Variants in KAZN observed in about 807,000 individuals in gnomAD.
KAZN encodes the protein kazrin.
KAZN carries 40 observed loss-of-function variants against 87.4 expected under a neutral mutation model. That is an observed-to-expected ratio of 0.46 (90% CI 0.36 to 0.60). KAZN has a LOEUF of 0.60. KAZN is among the 20% of genes least tolerant of loss of function. KAZN has a pLI of 0.00. For missense variants in KAZN, 898 were observed against 1,073.9 expected (o/e 0.84, Z 2.29); for synonymous variants, 466 against 458.3 (o/e 1.02, Z -0.22).
intron 2 of KAZN, among the ~76,000 whole-genome samples, chr1:14,964,767 A>C (rs1352080025): frequency 1.3e-5 from 2 of 152,184 alleles, no homozygotes; most frequent in Non-Finnish European, 2.9e-5. Flanking sequence ...TCTCCAACTA[A>C]CTGCCCCACC....
chr1:14,709,476 C>T (rs1642379348), intron 1 of KAZN, among the ~76,000 whole-genome samples: 2 of 152,122 alleles, frequency 1.3e-5, no homozygotes, highest in South Asian at 4.1e-4. Flanking sequence ...CTCAGCCTGC[C>T]AGTGGCCCAG....
At chr1:14,702,326 CTGTGTGTGTGTGTGTG>C (rs3222186) in intron 1 of KAZN, among the ~76,000 whole-genome samples, 3 of 133,282 alleles carry the variant, frequency 2.3e-5, no homozygotes, top group Admixed American at 7.6e-5. Context: ...TTTTGCAAAA[CTGTGTGTGTGTGTGTG>C]TGTGTGTGTG....
chr1:15,029,587 G>C (rs1379906636), intron 2 of KAZN, among the ~76,000 whole-genome samples: 1 of 152,148 alleles, frequency 6.6e-6, no homozygotes, highest in African/African-American at 2.4e-5. Context: ...AGCCACAAGA[G>C]GCTGCACTGC....
chr1:14,478,153 A>G lies in KAZN; in HGVS notation c.250-120830A>G, dbSNP rs527307941. Among the ~76,000 whole-genome samples, 14 of 152,188 alleles carry G rather than the reference A, an allele frequency of 9.2e-5. No individual in the cohort carries two copies. The South Asian group carries it at 2.9e-3, about 32-fold the overall frequency. On this transcript the variant is annotated intron_variant, in intron 2 of 16. Coordinates refer to the KAZN transcript ENST00000636203. ...GCTGCTTTCTAGAGAATTCAGGACA[A>G]GAAAAATCCCTAGGACTGAGATGGG...
intron 2 of KAZN, among the ~76,000 whole-genome samples, chr1:14,287,822 TA>T (rs1299712469): frequency 1.9e-4 from 29 of 152,352 alleles, no homozygotes; most frequent in African/African-American, 7.0e-4. Flanking sequence ...GGGTTTGTCA[TA>T]AATAGTTCTT....
At chr1:14,096,177 C>T (rs1644122634) in intron 1 of KAZN, among the ~76,000 whole-genome samples, 1 of 152,128 alleles carries the variant, frequency 6.6e-6, no homozygotes, top group South Asian at 2.1e-4. Flanking sequence ...ATTATATATT[C>T]ACATATTATT....
At chr1:15,038,735 G>A (rs141976395) in intron 3 of KAZN, among the ~76,000 whole-genome samples, 56 of 151,908 alleles carry the variant, frequency 3.7e-4, no homozygotes, top group Middle Eastern at 3.5e-3. Flanking sequence ...GACCGTGACA[G>A]TACCAATAGC....
chr1:14,977,520 T>C (rs28619920), intron 2 of KAZN, among the ~76,000 whole-genome samples: 1 of 152,182 alleles, frequency 6.6e-6, no homozygotes, highest in African/African-American at 2.4e-5. Context: ...GATCCACCTG[T>C]GGAATGCACC....
chr1:14,134,508 A>G (rs955674331), intron 1 of KAZN, among the ~76,000 whole-genome samples: 1 of 152,188 alleles, frequency 6.6e-6, no homozygotes, highest in Non-Finnish European at 1.5e-5. Context: ...TGACCTGCCC[A>G]AACTCATGCG....
At chr1:14,897,311 G>A (rs540271624) in intron 1 of KAZN, among the ~76,000 whole-genome samples, 1 of 152,288 alleles carries the variant, frequency 6.6e-6, no homozygotes, top group East Asian at 1.9e-4. Flanking sequence ...GTCACCAAGA[G>A]AATGACACAT....
chr1:14,744,282 T>G (rs1426486522), intron 1 of KAZN, among the ~76,000 whole-genome samples: 2 of 152,224 alleles, frequency 1.3e-5, no homozygotes, highest in Non-Finnish European at 2.9e-5. Context: ...TAGTCTTGAC[T>G]GCAACTCTGT....
intron 2 of KAZN, among the ~76,000 whole-genome samples, chr1:14,537,995 G>A (rs558486811): frequency 1.6e-4 from 25 of 152,290 alleles, no homozygotes; most frequent in African/African-American, 5.1e-4. Context: ...AGGCATCTTT[G>A]GGTGGGGACA....
chr1:13,957,606 G>A (rs1641594258), intron 1 of KAZN, among the ~76,000 whole-genome samples: 1 of 152,148 alleles, frequency 6.6e-6, no homozygotes, highest in Non-Finnish European at 1.5e-5. Flanking sequence ...AGGGCCTCAG[G>A]CTGCTTCTAC....
intron 1 of KAZN, among the ~76,000 whole-genome samples, chr1:14,015,018 T>C (rs143728091): frequency 2.7e-4 from 41 of 152,322 alleles, no homozygotes; most frequent in Middle Eastern, 3.4e-3. Flanking sequence ...TTATTGCCTC[T>C]AGTCTTGCAA....
intron 2 of KAZN, among the ~76,000 whole-genome samples, chr1:14,192,466 G>T (rs1340176863): frequency 6.6e-6 from 1 of 152,106 alleles, no homozygotes; most frequent in Non-Finnish European, 1.5e-5. Context: ...TGAATTCAAA[G>T]ACCTGTATAA....
At position 14,824,866 on chromosome 1, in the gene KAZN, T is replaced by C. The variant is rs116079580; in HGVS notation, c.227-135818T>C. On this transcript the variant is annotated intron_variant, in intron 1 of 14. Transcript: ENST00000376030. ...TTCCTTGGCTTGGCTCTATGAACCA[T>C]GAGATATTTTGGTTTGAAGTGTCCC... Among the ~76,000 whole-genome samples, 538 of 152,068 alleles carry C rather than the reference T, an allele frequency of 3.5e-3. 4 individuals are homozygous for C. The highest frequency in any genetic ancestry group is 0.012 in the African/African-American group (497 of 41,544).
At chr1:14,775,445 A>C (rs1645148123) in intron 1 of KAZN, among the ~76,000 whole-genome samples, 1 of 152,220 alleles carries the variant, frequency 6.6e-6, no homozygotes, top group Admixed American at 6.5e-5. Flanking sequence ...CATGTCCATG[A>C]CTACCCAGCT....
Position 14,429,464 on chromosome 1 carries a change from G to T in KAZN, c.250-169519G>T, listed in dbSNP as rs116292778. On this transcript the variant is annotated intron_variant, in intron 2 of 16. Transcript: ENST00000636203. ...CACTCAGCAAAACTATTCTCTGAAG[G>T]TTTGGCTTACTCACCAGTTTCAAAA... Among the ~76,000 whole-genome samples, 1,466 of 152,232 alleles carry T rather than the reference G, an allele frequency of 9.6e-3. 33 individuals carry two copies. Among genetic ancestry groups the T allele is most frequent in the African/African-American group, 0.034 (1,404 of 41,528 alleles).
chr1:14,025,693 A>G (rs1322274521), intron 1 of KAZN, among the ~76,000 whole-genome samples: 1 of 152,178 alleles, frequency 6.6e-6, no homozygotes, highest in Non-Finnish European at 1.5e-5. Flanking sequence ...GAGCATTTCA[A>G]ATGTGGCTCA....
Sources: gnomAD v4.1 joint callset for allele counts (sites outside exome capture counted in the v4.1 genomes callset) on GRCh38, gnomAD v4.1.1 for gene constraint, MANE v1.5 for transcripts, NCBI Gene and HGNC (gene_info 2026-07-23, HGNC 2026-07-21) for gene names.